The following ELMO1 variants were observed in gnomAD, a reference collection of about 807,000 sequenced individuals.
The protein encoded by ELMO1 is engulfment and cell motility 1, also known as engulfment and cell motility protein 1.
A neutral mutation model predicts 98.9 loss-of-function variants in ELMO1; 26 were observed. The ratio of observed to expected loss-of-function variants is 0.26; its 90% CI spans 0.19 to 0.36. ELMO1 has a LOEUF of 0.36. Ranked by LOEUF, ELMO1 falls within the 10% of genes least tolerant of loss-of-function variation. The pLI, the probability that ELMO1 is intolerant of heterozygous loss-of-function variation, is 1.00. For missense variants in ELMO1, 627 were observed against 935.2 expected (o/e 0.67, Z 4.30); for synonymous variants, 346 against 346.0 (o/e 1.00, Z 0.00).
At chr7:36,978,695 G>A (rs1456752793) in intron 16 of ELMO1, among the ~76,000 whole-genome samples, 2 of 152,168 alleles carry the variant, frequency 1.3e-5, no homozygotes, top group African/African-American at 2.4e-5. Flanking sequence ...CTTGAATGCC[G>A]CCAGGCATCT....
At chr7:37,125,449 A>C (rs1786437114) in intron 14 of ELMO1, among the ~76,000 whole-genome samples, 1 of 152,272 alleles carries the variant, frequency 6.6e-6, no homozygotes, top group Admixed American at 6.5e-5. Context: ...AGAAAAAATC[A>C]AACAACCCCA....
chr7:37,124,747 G>A (rs1366407771), intron 14 of ELMO1, among the ~76,000 whole-genome samples: 1 of 151,990 alleles, frequency 6.6e-6, no homozygotes. Flanking sequence ...TCCCCATCAA[G>A]CTACCAATGA....
At chr7:36,963,751 G>C (rs896202052) in intron 16 of ELMO1, among the ~76,000 whole-genome samples, 2 of 152,210 alleles carry the variant, frequency 1.3e-5, no homozygotes, top group Non-Finnish European at 2.9e-5. Flanking sequence ...TAGTTATGCA[G>C]AACACCTGTG....
At position 36,861,619 on chromosome 7, in the gene ELMO1, A is replaced by G. The variant is rs554457395; in HGVS notation, c.1983+40T>C. 54 of 1,578,426 alleles carry G rather than the reference A, an allele frequency of 3.4e-5. 2 individuals are homozygous for G. The South Asian group carries it at 4.6e-4, about 13-fold the overall frequency. On this transcript the variant is annotated intron_variant, in intron 21 of 21. Coordinates refer to ENST00000310758, the MANE Select transcript of ELMO1 (RefSeq NM_014800.11). The stretch of plus-strand genomic sequence containing the variant: ...CTTTCTATATTTTTCTTGAGAAAAG[A>G]TAACATTATCTCATAAATTATCACC...
At chr7:36,877,885 C>G (rs1192173994) in intron 19 of ELMO1, 125 bp downstream of exon 19, 6 of 723,206 alleles carry the variant, frequency 8.3e-6, no homozygotes, top group Non-Finnish European at 1.4e-5. Context: ...CAGGCGACGA[C>G]TTACAACTAG....
intron 2 of ELMO1, among the ~76,000 whole-genome samples, chr7:37,322,543 T>C (rs79748546): frequency 0.32 from 48,747 of 150,914 alleles, 9,867 homozygotes; most frequent in Non-Finnish European, 0.45. Context: ...ATCGCTTGAA[T>C]CTGGGAGGCA....
intron 16 of ELMO1, among the ~76,000 whole-genome samples, chr7:36,982,995 T>C (rs999985229): frequency 1.3e-5 from 2 of 152,216 alleles, no homozygotes; most frequent in African/African-American, 4.8e-5. Context: ...AGCATGGTAG[T>C]CCTGGTGATT....
At chr7:36,891,324 G>A (rs962019442) in intron 17 of ELMO1, among the ~76,000 whole-genome samples, 1 of 152,190 alleles carries the variant, frequency 6.6e-6, no homozygotes, top group African/African-American at 2.4e-5. Flanking sequence ...TCAGCTGTCT[G>A]AACACTGAAC....
At chr7:37,437,080 G>A in intron 1 of ELMO1, among the ~76,000 whole-genome samples, 1 of 152,098 alleles carries the variant, frequency 6.6e-6, no homozygotes, top group Non-Finnish European at 1.5e-5. Flanking sequence ...AGCATGAATG[G>A]ACCCATTGAA....
Position 37,053,285 on chromosome 7 carries a change from A to AGC in ELMO1, c.1301-39851_1301-39850insGC. Reference sequence around the variant, plus strand: ...TTTGCAGGGCATTTTCATTTGTTAAAACACACACACACACACACACACACA... The same window carrying AGC: ...TTTGCAGGGCATTTTCATTTGTTAAAGCACACACACACACACACACACACACA... On this transcript the variant is annotated intron_variant, in intron 15 of 21. Transcript: ENST00000310758. Among the ~76,000 whole-genome samples, 5 of 138,872 alleles carry AGC rather than the reference A, an allele frequency of 3.6e-5. No homozygotes were observed. In the South Asian group the frequency reaches 1.2e-3, roughly 33 times the overall value. The allele number at this position is 138,872 out of a possible 152,430, so 91.1% of individuals were successfully genotyped here. A position where few individuals can be genotyped will look rare whatever the true frequency, so the allele number is the denominator to read the frequency against.
At chr7:37,098,269 C>T (rs541676046) in intron 14 of ELMO1, among the ~76,000 whole-genome samples, 1 of 152,156 alleles carries the variant, frequency 6.6e-6, no homozygotes, top group Admixed American at 6.5e-5. Context: ...TGTTATCCAC[C>T]AGGAAGATGG....
intron 13 of ELMO1, among the ~76,000 whole-genome samples, chr7:37,165,199 T>G (rs1789572887): frequency 6.6e-6 from 1 of 152,244 alleles, no homozygotes. Context: ...ATCGTGAGAC[T>G]CTGCTGAAGT....
chr7:37,222,518 G>A (rs1793654179), intron 10 of ELMO1, 97 bp downstream of exon 10: 1 of 1,175,150 alleles, frequency 8.5e-7, no homozygotes, highest in East Asian at 2.3e-5. Flanking sequence ...GGATAGCAGA[G>A]AGGCCCAATG....
chr7:37,084,859 C>T (rs573744402), intron 15 of ELMO1, among the ~76,000 whole-genome samples: 7 of 151,650 alleles, frequency 4.6e-5, no homozygotes, highest in Non-Finnish European at 8.8e-5. Context: ...CGAGTTCAGG[C>T]GATTCTCCAG....
intron 14 of ELMO1, among the ~76,000 whole-genome samples, chr7:37,097,404 A>C: frequency 6.6e-6 from 1 of 152,140 alleles, no homozygotes. Flanking sequence ...TACTAAAATT[A>C]CTACTCTCTC....
chr7:37,277,419 G>A (rs1345171700), intron 4 of ELMO1, among the ~76,000 whole-genome samples: 1 of 152,226 alleles, frequency 6.6e-6, no homozygotes, highest in Non-Finnish European at 1.5e-5. Flanking sequence ...AGGCATGAAA[G>A]GACAAGACAT....
intron 5 of ELMO1, among the ~76,000 whole-genome samples, chr7:37,260,523 GACTCC>G (rs1211370772): frequency 6.6e-6 from 1 of 152,074 alleles, no homozygotes; most frequent in African/African-American, 2.4e-5. Flanking sequence ...AGAGCAGAAA[GACTCC>G]ACCCCAGCAG....
At chr7:37,013,170 G>A (rs899228264) in intron 16 of ELMO1, 129 bp downstream of exon 16, 2 of 1,203,396 alleles carry the variant, frequency 1.7e-6, no homozygotes, top group Middle Eastern at 2.2e-4. Context: ...CATTCTTGAA[G>A]CAACTATCAT....
At chr7:37,378,627 C>G (rs541448401) in intron 1 of ELMO1, among the ~76,000 whole-genome samples, 1 of 152,122 alleles carries the variant, frequency 6.6e-6, no homozygotes, top group Non-Finnish European at 1.5e-5. Flanking sequence ...AGATGGTCTT[C>G]TATGTAAATG....
Sources: allele counts gnomAD v4.1 joint callset (sites outside exome capture counted in the v4.1 genomes callset), GRCh38; gene constraint gnomAD v4.1.1; transcripts MANE v1.5; gene names NCBI Gene and HGNC (gene_info 2026-07-23, HGNC 2026-07-21).